The following RGS7 variants were observed in gnomAD, a reference collection of about 807,000 sequenced individuals.
RGS7 encodes the protein regulator of G protein signaling 7.
In RGS7, 27 loss-of-function variants were observed where a neutral mutation model predicts 81.1. That is an observed-to-expected ratio of 0.33 (90% CI 0.25 to 0.46). RGS7 has a LOEUF of 0.46. Ranked by LOEUF, RGS7 falls within the 20% of genes least tolerant of loss-of-function variation. The pLI, the probability that RGS7 is intolerant of heterozygous loss-of-function variation, is 1.00. For missense variants in RGS7, 396 were observed against 607.4 expected (o/e 0.65, Z 3.66); for synonymous variants, 208 against 207.7 (o/e 1.00, Z -0.01).
At chr1:240,982,947 A>C (rs1015875678) in intron 4 of RGS7, 132 bp downstream of exon 4, 1 of 599,522 alleles carries the variant, frequency 1.7e-6, no homozygotes, top group Non-Finnish European at 3.0e-6. Context: ...TAAATGTTAA[A>C]AGCACAGTTC....
intron 3 of RGS7, among the ~76,000 whole-genome samples, chr1:241,037,703 AG>A (rs1361497884): frequency 7.0e-6 from 1 of 143,496 alleles, no homozygotes; most frequent in African/African-American, 2.6e-5. Context: ...CCTGGGCAAT[AG>A]AGTGAGACTC....
At chr1:241,078,753 T>C (rs1384303272) in intron 3 of RGS7, among the ~76,000 whole-genome samples, 2 of 152,104 alleles carry the variant, frequency 1.3e-5, no homozygotes, top group African/African-American at 4.8e-5. Flanking sequence ...TGAATGCTGG[T>C]AGAGTATGAG....
intron 10 of RGS7, among the ~76,000 whole-genome samples, chr1:240,822,782 T>C (rs1189773544): frequency 6.6e-6 from 1 of 152,198 alleles, no homozygotes; most frequent in Non-Finnish European, 1.5e-5. Context: ...AAAAGAATCT[T>C]TTTAGTGCTA....
chr1:240,909,376 AAT>A (rs1452391626), intron 6 of RGS7, among the ~76,000 whole-genome samples: 2 of 152,206 alleles, frequency 1.3e-5, no homozygotes, highest in Non-Finnish European at 2.9e-5. Flanking sequence ...TTCTGAAACA[AAT>A]ATGTCTGTTT....
chr1:240,835,334 T>C (rs1456452206), intron 9 of RGS7, among the ~76,000 whole-genome samples: 1 of 152,230 alleles, frequency 6.6e-6, no homozygotes, highest in East Asian at 1.9e-4. Flanking sequence ...AATACATTTA[T>C]ACAAAGATGC....
At chr1:240,794,206 T>C (rs1232272470) in intron 18 of RGS7, among the ~76,000 whole-genome samples, 1 of 152,104 alleles carries the variant, frequency 6.6e-6, no homozygotes, top group Non-Finnish European at 1.5e-5. Flanking sequence ...TTCATTAATA[T>C]ATATATAATC....
chr1:241,109,116 G>A (rs1418557937), intron 2 of RGS7, among the ~76,000 whole-genome samples: 2 of 152,094 alleles, frequency 1.3e-5, no homozygotes, highest in African/African-American at 4.8e-5. Context: ...TGAATTTTCT[G>A]TAAGCGAAAT....
chr1:241,296,472 A>T (rs1247602454), intron 2 of RGS7, among the ~76,000 whole-genome samples: 3 of 152,234 alleles, frequency 2.0e-5, no homozygotes, highest in Non-Finnish European at 4.4e-5. Context: ...AAAAAATAAG[A>T]AATAAAATCA....
intron 2 of RGS7, among the ~76,000 whole-genome samples, chr1:241,211,032 C>T (rs929283269): frequency 6.6e-6 from 1 of 152,156 alleles, no homozygotes; most frequent in African/African-American, 2.4e-5. Flanking sequence ...TGCCTGTAAT[C>T]CCAGCACTTT....
intron 2 of RGS7, among the ~76,000 whole-genome samples, chr1:241,353,593 T>C (rs2083380146): frequency 6.6e-6 from 1 of 152,196 alleles, no homozygotes; most frequent in South Asian, 2.1e-4. Flanking sequence ...GGAGTTACTT[T>C]TTCCAATAAT....
intron 2 of RGS7, among the ~76,000 whole-genome samples, chr1:241,351,729 A>C (rs1213874925): frequency 6.6e-6 from 1 of 152,216 alleles, no homozygotes; most frequent in Non-Finnish European, 1.5e-5. Flanking sequence ...GAATGGGCAT[A>C]GGAGAAAGGT....
At chr1:241,283,611 G>A (rs552586156) in intron 2 of RGS7, among the ~76,000 whole-genome samples, 42 of 151,962 alleles carry the variant, frequency 2.8e-4, no homozygotes, top group Admixed American at 7.9e-4. Flanking sequence ...ATTTCTTTGG[G>A]TTTCTTCTGT....
intron 3 of RGS7, among the ~76,000 whole-genome samples, chr1:240,990,938 G>A (rs551686076): frequency 1.3e-5 from 2 of 152,296 alleles, no homozygotes; most frequent in East Asian, 3.9e-4. Context: ...TTTCTTTCTA[G>A]GTTGTTGCTC....
At chr1:241,056,597 T>C (rs1312576465) in intron 3 of RGS7, among the ~76,000 whole-genome samples, 1 of 152,144 alleles carries the variant, frequency 6.6e-6, no homozygotes. Flanking sequence ...TCTGTTAAGG[T>C]ATAATGGGAA....
chr1:241,237,908 G>A (rs1252716239), intron 2 of RGS7, among the ~76,000 whole-genome samples: 6 of 152,180 alleles, frequency 3.9e-5, no homozygotes. Context: ...AATTCCGACT[G>A]AGGCAAAACC....
intron 3 of RGS7, among the ~76,000 whole-genome samples, chr1:241,018,334 T>C (rs921612111): frequency 6.6e-6 from 1 of 151,890 alleles, no homozygotes; most frequent in Non-Finnish European, 1.5e-5. Context: ...GCATGCCTTG[T>C]AATTTTTTGT....
chr1:240,927,128 G>A (rs1674588834), intron 6 of RGS7, among the ~76,000 whole-genome samples: 1 of 152,090 alleles, frequency 6.6e-6, no homozygotes, highest in African/African-American at 2.4e-5. Context: ...GTGCAGTGGT[G>A]CAATCTCAGC....
In RGS7 at chr1:241,136,180, G is replaced by A. The variant is rs747090854; in HGVS notation, c.79-37418C>T. Among the ~76,000 whole-genome samples, 3 of 152,264 alleles carry A rather than the reference G, an allele frequency of 2.0e-5. No homozygotes were observed. In the East Asian group the frequency reaches 5.8e-4, roughly 29 times the overall value. On this transcript the variant is annotated intron_variant, in intron 2 of 18. Transcript: ENST00000440928. The stretch of plus-strand genomic sequence containing the variant: ...AAGTGGGTGAGGGTAGATGGTGGAG[G>A]AAAGATAAGTTTTGTTCAATTAAAA...
At chr1:241,147,780 T>TTATACA (rs2068429449) in intron 2 of RGS7, among the ~76,000 whole-genome samples, 1 of 44,604 alleles carries the variant, frequency 2.2e-5, no homozygotes, top group African/African-American at 6.5e-5. Flanking sequence ...AGATTAAGTT[T>TTATACA]TATATATATA....
Sources: allele counts gnomAD v4.1 joint callset (sites outside exome capture counted in the v4.1 genomes callset), GRCh38; gene constraint gnomAD v4.1.1; transcripts MANE v1.5; gene names NCBI Gene and HGNC (gene_info 2026-07-23, HGNC 2026-07-21).